FHOD3: variants seen among roughly 807,000 people sequenced by gnomAD.
The protein encoded by FHOD3 is formin homology 2 domain containing 3.
Under a neutral mutation model 173.0 loss-of-function variants are expected in FHOD3, and 90 were observed. The observed-to-expected ratio is 0.52, with a 90% confidence interval of 0.44 to 0.62. The LOEUF (loss-of-function observed/expected upper bound fraction) is 0.62, where lower values mean the gene tolerates loss of function less well. FHOD3 is among the 20% of genes least tolerant of loss of function. FHOD3 has a pLI of 0.00. For synonymous variants in FHOD3, 828 were observed against 823.0 expected (o/e 1.01, Z -0.10); for missense variants, 1,945 against 2,034.7 (o/e 0.96, Z 0.85).
At chr18:36,326,788 C>G (rs891009445) in intron 1 of FHOD3, among the ~76,000 whole-genome samples, 1 of 152,086 alleles carries the variant, frequency 6.6e-6, no homozygotes, top group Non-Finnish European at 1.5e-5. Flanking sequence ...AAAGGTCCTT[C>G]AAATTGCTAT....
intron 27 of FHOD3, among the ~76,000 whole-genome samples, chr18:36,761,715 C>T (rs972298845): frequency 1.3e-5 from 2 of 152,192 alleles, no homozygotes; most frequent in South Asian, 2.1e-4. Context: ...ACTCCAGAGA[C>T]CCCAGTTAGA....
At chr18:36,475,053 T>A (rs2053493318) in intron 3 of FHOD3, among the ~76,000 whole-genome samples, 1 of 148,722 alleles carries the variant, frequency 6.7e-6, no homozygotes, top group Non-Finnish European at 1.5e-5. Context: ...ATTTAATGCC[T>A]TCTACTTGGA....
chr18:36,369,440 A>AACACACACACACAC (rs59109469), intron 2 of FHOD3, among the ~76,000 whole-genome samples: 21 of 94,220 alleles, frequency 2.2e-4, no homozygotes, highest in East Asian at 1.4e-3. Context: ...ATTTTATTTA[A>AACACACACACACAC]ACACACACAC....
chr18:36,325,509 T>G (rs1307791106), intron 1 of FHOD3, among the ~76,000 whole-genome samples: 1 of 152,198 alleles, frequency 6.6e-6, no homozygotes, highest in Non-Finnish European at 1.5e-5. Context: ...GCTTTAGCAC[T>G]GTGGTCTCTG....
At chr18:36,760,817 C>T in intron 27 of FHOD3, 35 bp downstream of exon 27, 1 of 1,569,702 alleles carries the variant, frequency 6.4e-7, no homozygotes, top group Non-Finnish European at 8.6e-7. Flanking sequence ...GTCTTGTCTT[C>T]TCAGGTTGGC....
intron 19 of FHOD3, among the ~76,000 whole-genome samples, chr18:36,727,253 C>T (rs1043102293): frequency 3.3e-5 from 5 of 152,072 alleles, no homozygotes; most frequent in African/African-American, 1.2e-4. Context: ...TCAAATGGAT[C>T]AGAATAGATG....
At chr18:36,684,613 A>T (rs2038481519) in intron 15 of FHOD3, among the ~76,000 whole-genome samples, 1 of 152,234 alleles carries the variant, frequency 6.6e-6, no homozygotes. Context: ...AAGTGAACTC[A>T]TTGCTATGAG....
intron 3 of FHOD3, among the ~76,000 whole-genome samples, chr18:36,374,856 G>C (rs1329990131): frequency 6.7e-6 from 1 of 149,648 alleles, no homozygotes; most frequent in Admixed American, 6.7e-5. Flanking sequence ...ATTTTTTTAT[G>C]TATTGTTTTC....
At chr18:36,675,766 A>G (rs368797297) in intron 14 of FHOD3, among the ~76,000 whole-genome samples, 2 of 152,210 alleles carry the variant, frequency 1.3e-5, no homozygotes, top group African/African-American at 2.4e-5. Flanking sequence ...TAGTTGATTC[A>G]TCAGACAGTG....
chr18:36,459,255 G>A (rs956904293), intron 3 of FHOD3, among the ~76,000 whole-genome samples: 20 of 152,214 alleles, frequency 1.3e-4, no homozygotes, highest in African/African-American at 4.8e-4. Context: ...GGGCAGATAA[G>A]TGATACATAC....
chr18:36,298,600 C>T (rs2091871244), intron 1 of FHOD3, among the ~76,000 whole-genome samples: 1 of 152,144 alleles, frequency 6.6e-6, no homozygotes, highest in African/African-American at 2.4e-5. Context: ...TCCCCCTTTT[C>T]TTCTGAGAAG....
chr18:36,487,515 C>T (rs1306750421), intron 3 of FHOD3, among the ~76,000 whole-genome samples: 1 of 152,152 alleles, frequency 6.6e-6, no homozygotes, highest in Non-Finnish European at 1.5e-5. Context: ...TGTGTTATTC[C>T]ATGGGAGATG....
At chr18:36,710,703 A>G (rs968800283) in intron 18 of FHOD3, 8 of 152,228 alleles carry the variant, frequency 5.3e-5, no homozygotes, top group African/African-American at 1.9e-4. Flanking sequence ...TTGGTTGAAT[A>G]TGTATGTGCC....
At chr18:36,644,219 T>C (rs2035529069) in intron 10 of FHOD3, among the ~76,000 whole-genome samples, 1 of 152,210 alleles carries the variant, frequency 6.6e-6, no homozygotes, top group Non-Finnish European at 1.5e-5. Context: ...TGTGGAGGTA[T>C]TGGAAAGCCA....
chr18:36,566,195 G>A (rs73429665), intron 5 of FHOD3, among the ~76,000 whole-genome samples: 1,997 of 152,256 alleles, frequency 0.013, 47 homozygotes, highest in African/African-American at 0.045. Context: ...CATCAATGGC[G>A]TTTTGGTATC....
At chr18:36,397,711 A>G (rs1321911488) in intron 3 of FHOD3, among the ~76,000 whole-genome samples, 2 of 152,242 alleles carry the variant, frequency 1.3e-5, no homozygotes, top group African/African-American at 4.8e-5. Context: ...ATGAACTCCC[A>G]AAACAATAGG....
chr18:36,313,444 T>G (rs979944823), intron 1 of FHOD3, among the ~76,000 whole-genome samples: 5 of 152,196 alleles, frequency 3.3e-5, no homozygotes, highest in African/African-American at 1.2e-4. Context: ...CTTTTGTAGT[T>G]GTGCATTCTC....
At chr18:36,719,824 C>T (rs1192978302) in intron 19 of FHOD3, among the ~76,000 whole-genome samples, 1 of 152,138 alleles carries the variant, frequency 6.6e-6, no homozygotes, top group Admixed American at 6.5e-5. Flanking sequence ...TAGTGCCTGT[C>T]ACTGCTGTGG....
Position 36,314,764 on chromosome 18 carries a change from A to G in FHOD3, c.165+16764A>G, listed in dbSNP as rs116113985. Among the ~76,000 whole-genome samples the G allele has an allele frequency of 8.6e-3, 1,312 of 152,272 alleles. 21 individuals are homozygous for G. The highest frequency in any genetic ancestry group is 0.03 in the African/African-American group (1,243 of 41,560). ...TGCCTCAAATGAAAAACCAGAGTCT[A>G]TCTTTCAGCTCTGTTTCTATTCTGC... On this transcript the variant is annotated intron_variant, in intron 1 of 28. Coordinates refer to ENST00000590592, the MANE Select transcript of FHOD3 (RefSeq NM_001281740.3).
Sources: allele counts gnomAD v4.1 joint callset (sites outside exome capture counted in the v4.1 genomes callset), GRCh38; gene constraint gnomAD v4.1.1; transcripts MANE v1.5; gene names NCBI Gene and HGNC (gene_info 2026-07-23, HGNC 2026-07-21).